SNAPC1: variants seen among roughly 807,000 people sequenced by gnomAD.
The protein encoded by SNAPC1 is snRNA-activating protein complex subunit 1.
A neutral mutation model predicts 50.1 loss-of-function variants in SNAPC1; 42 were observed. That is an observed-to-expected ratio of 0.84 (90% confidence interval 0.65 to 1.08). The LOEUF (loss-of-function observed/expected upper bound fraction) is 1.08. Ranked by LOEUF, SNAPC1 falls within the 50% of genes least tolerant of loss-of-function variation. The pLI is 0.00. For synonymous variants in SNAPC1, 164 were observed against 144.2 expected (o/e 1.14, Z -0.98); for missense variants, 477 against 427.3 (o/e 1.12, Z -1.02).
chr14:61,782,422 A>G (rs969808460), intron 8 of SNAPC1, 25 bp downstream of exon 8: 1 of 1,581,110 alleles, frequency 6.3e-7, no homozygotes, highest in African/African-American at 1.4e-5. Context: ...TCTTACTAAG[A>G]TTCAACAAAG....
chr14:61,764,163 A>G (rs967425981), intron 1 of SNAPC1, among the ~76,000 whole-genome samples: 1 of 152,172 alleles, frequency 6.6e-6, no homozygotes, highest in African/African-American at 2.4e-5. Flanking sequence ...AATGTTCATT[A>G]TTACTACCGT....
At chr14:61,767,865 C>T (rs370739116) in intron 3 of SNAPC1, among the ~76,000 whole-genome samples, 3 of 152,134 alleles carry the variant, frequency 2.0e-5, no homozygotes, top group Admixed American at 1.3e-4. Flanking sequence ...CTGCAACCTC[C>T]GCCTCCAGGG....
intron 4 of SNAPC1, among the ~76,000 whole-genome samples, chr14:61,774,648 ATTTTTTTTTTT>A (rs35300490): frequency 1.6e-4 from 15 of 90,962 alleles, no homozygotes; most frequent in South Asian, 5.8e-4. Flanking sequence ...TCAGTTTCTC[ATTTTTTTTTTT>A]TTTTTTTTTT....
At chr14:61,767,413 A>C in intron 3 of SNAPC1, 61 bp downstream of exon 3, 2 of 1,078,122 alleles carry the variant, frequency 1.9e-6, no homozygotes, top group Non-Finnish European at 2.5e-6. Context: ...ATTGTCCATA[A>C]AACCTCTCAA....
chr14:61,787,510 A>G (rs183804319), intron 8 of SNAPC1, among the ~76,000 whole-genome samples: 114 of 152,304 alleles, frequency 7.5e-4, no homozygotes, highest in African/African-American at 2.6e-3. Context: ...CAGAGACTCC[A>G]GTGCAGCCAC....
intron 4 of SNAPC1, among the ~76,000 whole-genome samples, chr14:61,775,077 G>A (rs562660699): frequency 2.2e-4 from 34 of 152,246 alleles, no homozygotes; most frequent in African/African-American, 7.9e-4. Context: ...GGAAGTGTCA[G>A]TAGTTCTCTC....
chr14:61,762,422 A>C lies in SNAPC1; in HGVS notation c.-39A>C. ...CGACCACCGCTGGCTAGTCCGTTAG[A>C]GGCGTGCGGGCTTCGGAGGCGTGCG... On this transcript the variant is annotated 5_prime_UTR_variant, in exon 1 of 10. Transcript: ENST00000216294. The C allele has an allele frequency of 3.7e-6, 6 of 1,603,332 alleles. No homozygotes were observed. The highest frequency in any genetic ancestry group is 5.1e-6 in the Non-Finnish European group (6 of 1,177,136).
intron 7 of SNAPC1, 143 bp from the exon 8 acceptor site, chr14:61,782,104 G>T: frequency 1.7e-6 from 1 of 599,796 alleles, no homozygotes; most frequent in Non-Finnish European, 2.8e-6. Context: ...TAGTAAGCCA[G>T]CCAGGGGTAA....
chr14:61,794,914 T>C, intron 9 of SNAPC1, 35 bp from the exon 10 acceptor site: 2 of 1,502,920 alleles, frequency 1.3e-6, no homozygotes, highest in Non-Finnish European at 1.8e-6. Context: ...TTTTTGTTTT[T>C]AGATCTGACT....
intron 4 of SNAPC1, among the ~76,000 whole-genome samples, chr14:61,774,293 T>C (rs1472231066): frequency 6.6e-6 from 1 of 152,092 alleles, no homozygotes; most frequent in Non-Finnish European, 1.5e-5. Context: ...CACACTACTG[T>C]GCCTGGCTTC....
chr14:61,789,433 G>A (rs2045137340), intron 8 of SNAPC1, among the ~76,000 whole-genome samples: 1 of 152,114 alleles, frequency 6.6e-6, no homozygotes, highest in South Asian at 2.1e-4. Context: ...AAATCTAGAT[G>A]TGTATGAAGT....
At chr14:61,779,453 A>G (rs2045056271) in intron 7 of SNAPC1, among the ~76,000 whole-genome samples, 1 of 151,146 alleles carries the variant, frequency 6.6e-6, no homozygotes, top group Non-Finnish European at 1.5e-5. Context: ...TTCTGTTTTC[A>G]GGGAGATTTC....
In SNAPC1 at chr14:61,778,861, C is replaced by T. The variant is rs1269263023; in HGVS notation, c.776C>T (p.Ala259Val). The change falls in exon 7 of 10, where the codon GCA becomes GTA. Residue 259 changes from alanine (A) to valine (V), a missense_variant. Transcript: ENST00000216294. ...NSQETERCER[A>V]ESLAKIKSKA... is the part of the protein sequence containing the mutation. ...TTTTACATCCAGAGATGTGAAAGGG[C>T]AGAATCATTAGCGAAAATAAAATCA... 6.4e-7 allele frequency: 1 copy of T among 1,559,106 alleles called. No individual in the cohort carries two copies. Among genetic ancestry groups the T allele is most frequent in the Non-Finnish European group, 8.6e-7 (1 of 1,156,700 alleles).
At chr14:61,765,568 GTTCTTTTGAGT>G (rs1594641793) in intron 1 of SNAPC1, among the ~76,000 whole-genome samples, 2 of 152,132 alleles carry the variant, frequency 1.3e-5, no homozygotes, top group African/African-American at 4.8e-5. Context: ...AAATGCTTGC[GTTCTTTTGAGT>G]TTCTGATTAG....
At chr14:61,773,533 C>T (rs2882968) in intron 4 of SNAPC1, among the ~76,000 whole-genome samples, 29,440 of 150,204 alleles carry the variant, frequency 0.2, 3,122 homozygotes, top group African/African-American at 0.27. Flanking sequence ...TAGATGGGAC[C>T]ACAGGCGCCT....
rs2044955341 is a variant in SNAPC1 at position 61,767,277 on chromosome 14, G to A, written c.354G>A (p.Gln118=). The A allele has an allele frequency of 9.1e-6, 14 of 1,534,934 alleles. No individual in the cohort carries two copies. The highest frequency in any genetic ancestry group is 1.9e-5 in the Admixed American group (1 of 51,826). ...TTCAGCAAGATTTAGTAAATGCACA[G>A]CATTTTGATGCAGCTTATATTTTTA... ...LKFQQDLVNA[Q]HFDAAYIFRK... Residue 118 remains glutamine (Q), a synonymous_variant, in exon 3 of 10, where the codon CAG becomes CAA. Transcript: ENST00000216294.
intron 4 of SNAPC1, among the ~76,000 whole-genome samples, chr14:61,774,163 TTC>T (rs1566589260): frequency 7.1e-6 from 1 of 140,732 alleles, no homozygotes; most frequent in African/African-American, 2.7e-5. Flanking sequence ...AATTTTCTTC[TTC>T]TTTTTTTTTT....
intron 9 of SNAPC1, 39 bp from the exon 10 acceptor site, chr14:61,794,909 GT>G (rs2045177983): frequency 5.3e-6 from 7 of 1,309,122 alleles, no homozygotes; most frequent in Non-Finnish European, 6.5e-6. Flanking sequence ...TTTTTTTTTT[GT>G]TTTTAGATCT....
At chr14:61,767,952 G>A (rs1322064448) in intron 3 of SNAPC1, among the ~76,000 whole-genome samples, 2 of 152,116 alleles carry the variant, frequency 1.3e-5, no homozygotes, top group Non-Finnish European at 2.9e-5. Context: ...GCTAATTTTT[G>A]TATTTTTAGT....
Sources: allele counts gnomAD v4.1 joint callset (sites outside exome capture counted in the v4.1 genomes callset), GRCh38; gene constraint gnomAD v4.1.1; transcripts MANE v1.5; gene names NCBI Gene and HGNC (gene_info 2026-07-23, HGNC 2026-07-21).